Variants in SHISA9 observed in about 807,000 individuals in gnomAD.
SHISA9 encodes the protein shisa family member 9.
In SHISA9, 13 loss-of-function variants were observed where a neutral mutation model predicts 38.0. That is an observed-to-expected ratio of 0.34 (90% CI 0.22 to 0.54). SHISA9 has a LOEUF of 0.54. Among genes scored for constraint, SHISA9 ranks in the 20% least tolerant of loss-of-function variants. SHISA9 has a pLI of 0.91. For synonymous variants in SHISA9, 275 were observed against 242.0 expected, an observed-to-expected ratio of 1.14 and a Z score of -1.27; for missense variants, 538 against 575.8, an observed-to-expected ratio of 0.93 and a Z score of 0.67.
the SHISA9 span, among the ~76,000 whole-genome samples, chr16:13,493,639 GTGGAGGA>G: frequency 6.6e-6 from 1 of 152,228 alleles, no homozygotes; most frequent in East Asian, 1.9e-4. Flanking sequence ...TTGTGACATG[GTGGAGGA>G]TGCAACAGAA....
intron 2 of SHISA9, among the ~76,000 whole-genome samples, chr16:13,028,746 T>C (rs986175834): frequency 2.0e-5 from 3 of 152,172 alleles, no homozygotes; most frequent in African/African-American, 7.2e-5. Flanking sequence ...CTTCTTCCTA[T>C]AGATAAATTA....
chr16:13,229,095 G>T (rs1484297213), intron 4 of SHISA9, among the ~76,000 whole-genome samples: 1 of 152,240 alleles, frequency 6.6e-6, no homozygotes, highest in African/African-American at 2.4e-5. Context: ...AGGAGGCAAA[G>T]GCTGTAGTGA....
chr16:13,512,489 A>G, the SHISA9 span, among the ~76,000 whole-genome samples: 668 of 152,346 alleles, frequency 4.4e-3, 5 homozygotes, highest in African/African-American at 0.015. Context: ...TTCTTCACAG[A>G]ATTAGAAAAA....
intron 1 of SHISA9, chr16:12,908,699 G>A (rs1331301930): frequency 1.9e-5 from 29 of 1,498,730 alleles, no homozygotes; most frequent in South Asian, 3.9e-5. Flanking sequence ...CTCATGCATC[G>A]GGGCCAGTTC....
At chr16:12,954,401 G>T (rs916356249) in intron 2 of SHISA9, among the ~76,000 whole-genome samples, 6 of 152,196 alleles carry the variant, frequency 3.9e-5, no homozygotes, top group African/African-American at 1.4e-4. Flanking sequence ...TAAATAAAGG[G>T]TGATATGTTT....
chr16:13,362,729 C>T, the SHISA9 span, among the ~76,000 whole-genome samples: 1 of 152,302 alleles, frequency 6.6e-6, no homozygotes, highest in African/African-American at 2.4e-5. Context: ...TTCTCACATT[C>T]CTGATTTTAT....
chr16:13,507,296 A>G, the SHISA9 span, among the ~76,000 whole-genome samples: 2 of 152,100 alleles, frequency 1.3e-5, no homozygotes, highest in Non-Finnish European at 2.9e-5. Flanking sequence ...ATGGCGAGGA[A>G]CAGAGTCAGG....
At chr16:13,205,153 C>T (rs2051052080) in intron 3 of SHISA9, among the ~76,000 whole-genome samples, 1 of 152,144 alleles carries the variant, frequency 6.6e-6, no homozygotes, top group East Asian at 1.9e-4. Context: ...CTGGAGATTT[C>T]AATTGAACTG....
chr16:13,119,922 A>G (rs2074068738), intron 2 of SHISA9, among the ~76,000 whole-genome samples: 1 of 152,176 alleles, frequency 6.6e-6, no homozygotes. Context: ...AAAGATGTAC[A>G]GTTTTTTAGA....
the SHISA9 span, among the ~76,000 whole-genome samples, chr16:13,499,627 T>TA: frequency 0.12 from 18,097 of 152,106 alleles, 1,203 homozygotes; most frequent in Middle Eastern, 0.19. Context: ...TGTTTTATAA[T>TA]AAAAAAACAT....
chr16:12,953,175 A>C (rs1253303354), intron 2 of SHISA9, among the ~76,000 whole-genome samples: 1 of 137,022 alleles, frequency 7.3e-6, no homozygotes, highest in South Asian at 2.3e-4. Flanking sequence ...CCTTAAAAAA[A>C]AGTAAAAAAA....
At chr16:12,914,857 G>C (rs1296309826) in intron 1 of SHISA9, among the ~76,000 whole-genome samples, 1 of 152,200 alleles carries the variant, frequency 6.6e-6, no homozygotes, top group Non-Finnish European at 1.5e-5. Flanking sequence ...AGATGGATCT[G>C]AAAATTTGCA....
chr16:13,445,028 A>G, the SHISA9 span, among the ~76,000 whole-genome samples: 6 of 110,418 alleles, frequency 5.4e-5, no homozygotes, highest in African/African-American at 1.4e-4. Flanking sequence ...ATATATATAT[A>G]TGTTGTATTT....
chr16:13,344,357 G>A, the SHISA9 span, among the ~76,000 whole-genome samples: 1 of 152,080 alleles, frequency 6.6e-6, no homozygotes, highest in Non-Finnish European at 1.5e-5. Flanking sequence ...TAGGAATGGG[G>A]GGTGGAAATT....
rs1596737315 is a variant in SHISA9, at chr16:13,213,154, T to C, written c.848-99T>C. The C allele has an allele frequency of 2.9e-6, 3 of 1,042,530 alleles. No homozygotes were observed. The East Asian group carries it at 7.8e-5, about 27-fold the overall frequency. 64.6% of individuals were successfully genotyped at this position (1,042,530 alleles called of 1,614,324 possible). On this transcript the variant is annotated intron_variant, in intron 3 of 4. Transcript: ENST00000558583. The stretch of plus-strand genomic sequence containing the variant: ...CTGAGGCCTGTCCCTGCTTGGAGGC[T>C]GCAGCAGGGGCAGCCAACAGCACCT...
At chr16:13,232,473 GA>G (rs903999339) in intron 4 of SHISA9, among the ~76,000 whole-genome samples, 2 of 152,154 alleles carry the variant, frequency 1.3e-5, no homozygotes, top group African/African-American at 2.4e-5. Flanking sequence ...AAGTGTTGAT[GA>G]AAAAGGTCAA....
the SHISA9 span, among the ~76,000 whole-genome samples, chr16:13,344,222 A>G: frequency 1.3e-5 from 2 of 152,192 alleles, no homozygotes; most frequent in Non-Finnish European, 2.9e-5. Flanking sequence ...TTTCTTACTC[A>G]CTGACTTTGT....
At chr16:13,475,128 A>G in the SHISA9 span, among the ~76,000 whole-genome samples, 1 of 152,158 alleles carries the variant, frequency 6.6e-6, no homozygotes, top group Non-Finnish European at 1.5e-5. Flanking sequence ...AGAAGATGAA[A>G]GGACTTGGCT....
At chr16:13,558,629 C>CCAA in the SHISA9 span, among the ~76,000 whole-genome samples, 1 of 152,186 alleles carries the variant, frequency 6.6e-6, no homozygotes, top group South Asian at 2.1e-4. Flanking sequence ...CAACACTTAT[C>CCAA]CAACACATGT....
Sources: allele counts gnomAD v4.1 joint callset (sites outside exome capture counted in the v4.1 genomes callset), GRCh38; gene constraint gnomAD v4.1.1; transcripts MANE v1.5; gene names NCBI Gene and HGNC (gene_info 2026-07-23, HGNC 2026-07-21).